Variants in CKAP5 observed in about 807,000 individuals in gnomAD.
CKAP5 encodes the protein cytoskeleton-associated protein 5.
A neutral mutation model predicts 232.8 loss-of-function variants in CKAP5; 27 were observed. That is an observed-to-expected ratio of 0.12 (90% CI 0.09 to 0.16). The LOEUF (loss-of-function observed/expected upper bound fraction) is 0.16. Among genes scored for constraint, CKAP5 ranks in the 10% least tolerant of loss-of-function variants. The pLI is 1.00. For missense variants in CKAP5, 1,838 were observed against 2,424.7 expected (o/e 0.76, Z 5.08); for synonymous variants, 785 against 841.1 (o/e 0.93, Z 1.16).
At chr11:46,752,191 T>TACACACACAC (rs1394587501) in intron 38 of CKAP5, among the ~76,000 whole-genome samples, 1 of 73,164 alleles carries the variant, frequency 1.4e-5, no homozygotes, top group African/African-American at 4.5e-5. Flanking sequence ...TATATATATA[T>TACACACACAC]ATACACACAC....
rs528615265 is a variant in CKAP5 at position 46,831,423 on chromosome 11, T to C, written c.-37-10155A>G. 3.9e-5 allele frequency among the ~76,000 whole-genome samples: 6 copies of C among 152,360 alleles called. No homozygotes were observed. In the South Asian group the frequency reaches 1.2e-3, roughly 32 times the overall value. ...TTTTTTGTATACATGATATCTCCTT[T>C]GAAAGAAGGAACTGAGTCTTATTCA... On this transcript the variant is annotated intron_variant, in intron 1 of 43. Coordinates refer to ENST00000529230, the MANE Select transcript of CKAP5 (RefSeq NM_001008938.4).
intron 24 of CKAP5, among the ~76,000 whole-genome samples, chr11:46,775,358 C>T (rs965973124): frequency 3.3e-5 from 5 of 152,204 alleles, no homozygotes; most frequent in Non-Finnish European, 7.3e-5. Flanking sequence ...ACAGGAACCA[C>T]TTTTACACTG....
chr11:46,807,917 C>G, intron 8 of CKAP5, 114 bp downstream of exon 8: 2 of 639,220 alleles, frequency 3.1e-6, no homozygotes, highest in Admixed American at 5.2e-5. Flanking sequence ...AATTCAAATA[C>G]CATCAGTAAT....
chr11:46,802,553 G>GACAC (rs372896887), intron 8 of CKAP5, among the ~76,000 whole-genome samples: 2,306 of 142,356 alleles, frequency 0.016, 44 homozygotes, highest in East Asian at 0.049. Flanking sequence ...CAGACAGACA[G>GACAC]ACAGACACAC....
Position 46,817,673 on chromosome 11 carries a change from C to CT in CKAP5, c.251+636dup, listed in dbSNP as rs937384940. Among the ~76,000 whole-genome samples the CT allele has an allele frequency of 6.8e-3, 1,004 of 148,230 alleles. 6 individuals are homozygous for CT. The highest frequency in any genetic ancestry group is 0.02 in the African/African-American group (803 of 40,572). ...TGTGCAATTAAGTCAAGTGTTTCAA[C>CT]TTTTTTTTTTGTATGGAGGGTTCCT... On this transcript the variant is annotated intron_variant, in intron 3 of 43. Transcript: ENST00000529230.
At chr11:46,806,166 T>A (rs558044432) in intron 8 of CKAP5, among the ~76,000 whole-genome samples, 4 of 152,166 alleles carry the variant, frequency 2.6e-5, no homozygotes, top group Non-Finnish European at 2.9e-5. Flanking sequence ...CTCTCAGAAA[T>A]CTATTGTCTG....
At chr11:46,753,235 A>G in intron 37 of CKAP5, 75 bp downstream of exon 37, 3 of 1,228,204 alleles carry the variant, frequency 2.4e-6, no homozygotes, top group Non-Finnish European at 2.3e-6. Flanking sequence ...AAGTTGACTT[A>G]CGGACATTAT....
In CKAP5 at chr11:46,778,132, T is replaced by C. The variant is rs1274448300; in HGVS notation, c.2748+7A>G. 3 of 1,612,166 alleles carry C rather than the reference T, an allele frequency of 1.9e-6. No individual in the cohort carries two copies. Among genetic ancestry groups the C allele is most frequent in the Admixed American group, 1.7e-5 (1 of 59,886 alleles). On this transcript the variant is annotated splice_region_variant and intron_variant, in intron 22 of 43. Coordinates refer to ENST00000529230, the MANE Select transcript of CKAP5 (RefSeq NM_001008938.4). ...AGATAAAAAGAACAGCCGTATGCTCTACATACCAAGATTTTATTTGAATCA... is the reference window on the plus strand; with the variant it reads ...AGATAAAAAGAACAGCCGTATGCTCCACATACCAAGATTTTATTTGAATCA...
In CKAP5 at chr11:46,753,363, C is replaced by T. The variant is rs2065084626; in HGVS notation, c.5004G>A (p.Val1668=). The T allele has an allele frequency of 6.2e-7, 1 of 1,613,776 alleles. No individual in the cohort carries two copies. Among genetic ancestry groups the T allele is most frequent in the South Asian group, 1.1e-5 (1 of 91,064 alleles). The change falls in exon 37 of 44, where the codon GTG becomes GTA. Residue 1668 remains valine, a synonymous_variant. Transcript: ENST00000529230. ...LEEGQQVIRS[V]NLLVVKVLEK... ...CCAGAACCTTCACCACCAAGAGGTT[C>T]ACAGAGCGGATGACCTGTTGTCCTT...
chr11:46,825,183 GAATA>G (rs1463984862), intron 1 of CKAP5, among the ~76,000 whole-genome samples: 1 of 152,160 alleles, frequency 6.6e-6, no homozygotes, highest in African/African-American at 2.4e-5. Flanking sequence ...GCAGAACTTA[GAATA>G]AATTCCAAAT....
At chr11:46,795,301 C>A (rs1938842836) in intron 13 of CKAP5, among the ~76,000 whole-genome samples, 3 of 151,082 alleles carry the variant, frequency 2.0e-5, no homozygotes. Flanking sequence ...GCACTCCAGC[C>A]TGGGCAACAG....
At chr11:46,821,476 G>A (rs1220533057) in intron 1 of CKAP5, among the ~76,000 whole-genome samples, 1 of 140,516 alleles carries the variant, frequency 7.1e-6, no homozygotes, top group Admixed American at 7.6e-5. Flanking sequence ...CCAGGCTGGA[G>A]TGCAGTGGCC....
intron 24 of CKAP5, among the ~76,000 whole-genome samples, chr11:46,771,747 T>C (rs1168325338): frequency 6.6e-6 from 1 of 152,242 alleles, no homozygotes; most frequent in African/African-American, 2.4e-5. Flanking sequence ...TATTTGTACA[T>C]AGATTTTTGT....
At chr11:46,839,291 C>G (rs1290928782) in intron 1 of CKAP5, among the ~76,000 whole-genome samples, 2 of 152,110 alleles carry the variant, frequency 1.3e-5, no homozygotes, top group Non-Finnish European at 2.9e-5. Flanking sequence ...AGTTCCAGAA[C>G]AGAATGCAAA....
At chr11:46,750,721 G>C (rs747416849) in intron 40 of CKAP5, 110 bp from the exon 41 acceptor site, 2 of 806,260 alleles carry the variant, frequency 2.5e-6, no homozygotes, top group African/African-American at 3.4e-5. Flanking sequence ...TTATTGGTAT[G>C]TTCCTACAGA....
At chr11:46,775,659 C>T (rs771062736) in intron 24 of CKAP5, among the ~76,000 whole-genome samples, 3 of 95,092 alleles carry the variant, frequency 3.2e-5, no homozygotes, top group African/African-American at 8.8e-5. Context: ...AGAATGAGTT[C>T]GTGTCCTTTG....
In CKAP5 at chr11:46,798,073, G is replaced by A. The variant is rs1279406996; in HGVS notation, c.1173+10C>T. The A allele has an allele frequency of 6.2e-7, 1 of 1,612,120 alleles. No individual in the cohort carries two copies. Among genetic ancestry groups the A allele is most frequent in the East Asian group, 2.2e-5 (1 of 44,868 alleles). ...TCAGATAAAACTACAAACTCATGCTGTCAACTTACAGTAAGGAAGATTGCA... is the reference window on the plus strand; with the variant it reads ...TCAGATAAAACTACAAACTCATGCTATCAACTTACAGTAAGGAAGATTGCA... On this transcript the variant is annotated intron_variant, in intron 10 of 43. Transcript: ENST00000529230.
chr11:46,762,090 G>A lies in CKAP5; in HGVS notation c.4131C>T (p.Asp1377=), dbSNP rs1226184239. The A allele has an allele frequency of 5.6e-5, 91 of 1,614,012 alleles. No individual in the cohort carries two copies. Among genetic ancestry groups the A allele is most frequent in the Non-Finnish European group, 7.5e-5 (88 of 1,179,980 alleles). The change falls in exon 32 of 44, where the codon GAC becomes GAT. Residue 1377 remains aspartate, a synonymous_variant. Transcript: ENST00000529230. ...ALKEIAVHIG[D]RDNAVRNAAL... ...CAGCATTGCGTACAGCATTGTCACG[G>A]TCTCCTATGTGAACAGCTATTTCCT...
At chr11:46,814,687 T>C (rs149937114) in intron 4 of CKAP5, among the ~76,000 whole-genome samples, 3 of 152,202 alleles carry the variant, frequency 2.0e-5, no homozygotes, top group African/African-American at 7.2e-5. Context: ...GCAAATTACA[T>C]CCACTTGTTC....
Sources: gnomAD v4.1 joint callset for allele counts (sites outside exome capture counted in the v4.1 genomes callset) on GRCh38, gnomAD v4.1.1 for gene constraint, MANE v1.5 for transcripts, NCBI Gene and HGNC (gene_info 2026-07-23, HGNC 2026-07-21) for gene names.